Variants in VWF observed in about 807,000 individuals in gnomAD.
VWF encodes von Willebrand factor.
Under a neutral mutation model 308.6 loss-of-function variants are expected in VWF, and 176 were observed. That is an observed-to-expected ratio of 0.57 (90% CI 0.50 to 0.65). The LOEUF is 0.65. Among genes scored for constraint, VWF ranks in the 30% least tolerant of loss-of-function variants. VWF has a pLI of 0.00. For synonymous variants in VWF, 1,385 were observed against 1,443.4 expected (o/e 0.96, Z 0.92); for missense variants, 3,146 against 3,648.2 (o/e 0.86, Z 3.55).
intron 3 of VWF, among the ~76,000 whole-genome samples, chr12:6,120,430 G>A (rs1945416799): frequency 6.6e-6 from 1 of 151,876 alleles, no homozygotes; most frequent in Non-Finnish European, 1.5e-5. Context: ...AGCCTCCCAA[G>A]TAGCTGGGAT....
intron 6 of VWF, among the ~76,000 whole-genome samples, chr12:6,077,667 A>G (rs1178269050): frequency 1.3e-5 from 2 of 152,210 alleles, no homozygotes; most frequent in African/African-American, 4.8e-5. Flanking sequence ...AGATGCCACA[A>G]TGCCAGCACC....
At chr12:6,119,797 G>A (rs1192892162) in intron 3 of VWF, among the ~76,000 whole-genome samples, 6 of 152,134 alleles carry the variant, frequency 3.9e-5, no homozygotes, top group African/African-American at 1.4e-4. Context: ...AGCCAAGATC[G>A]CACCACTCAC....
In VWF at chr12:6,013,613, G is replaced by A. The variant is rs768189363; in HGVS notation, c.5488C>T (p.Arg1830Cys). 19 of 1,613,464 alleles carry A rather than the reference G, an allele frequency of 1.2e-5. No homozygotes were observed. The highest frequency in any genetic ancestry group is 6.7e-5 in the African/African-American group (5 of 74,908). The change falls in exon 32 of 52, where the codon CGC becomes TGC. Residue 1830 changes from arginine (R) to cysteine (C), a missense_variant. Transcript: ENST00000261405. The part of the protein sequence containing the change: ...VTVFPIGIGD[R>C]YDAAQLRILA... ...ATCCGTAGCTGGGCTGCATCGTAGC[G>A]ATCTCCAATTCCAATAGGGAACACT...
At chr12:6,054,773 T>C (rs1259916224) in intron 15 of VWF, among the ~76,000 whole-genome samples, 1 of 124,538 alleles carries the variant, frequency 8.0e-6, no homozygotes, top group Non-Finnish European at 1.8e-5. Context: ...CCTGAGTGTC[T>C]CCAATTGATG....
Position 5,971,627 on chromosome 12 carries a change from C to G in VWF, c.7520G>C (p.Arg2507Pro), listed in dbSNP as rs762748393. Residue 2507 changes from arginine (R) to proline (P), a missense_variant, in exon 44 of 52, where the codon CGG becomes CCG. Physicochemically the swap from Arg to Pro is moderately radical, Grantham distance 103 (BLOSUM62 -2). Transcript: ENST00000261405. ...CTTCCAGGAAGACTGGGAGTCCCCC[C>G]GCGGTGAGCCAGTCACCACCTCACA... ...SACEVVTGSP[R>P]GDSQSSWKSV... 2.5e-6 allele frequency: 4 copies of G among 1,614,040 alleles called. No individual in the cohort carries two copies. Among genetic ancestry groups the G allele is most frequent in the South Asian group, 2.2e-5 (2 of 91,090 alleles).
chr12:5,994,360 TA>T, intron 36 of VWF, 54 bp downstream of exon 36: 1 of 1,606,444 alleles, frequency 6.2e-7, no homozygotes. Flanking sequence ...GTAGAGCAAG[TA>T]AGGTTTATAA....
intron 34 of VWF, among the ~76,000 whole-genome samples, chr12:6,004,446 T>C (rs1292335894): frequency 6.6e-6 from 1 of 152,110 alleles, no homozygotes; most frequent in Non-Finnish European, 1.5e-5. Flanking sequence ...AAATACATGA[T>C]ATGTGTGTGC....
chr12:6,062,125 A>C (rs192994921), intron 13 of VWF, among the ~76,000 whole-genome samples: 1 of 152,338 alleles, frequency 6.6e-6, no homozygotes, highest in East Asian at 1.9e-4. Context: ...CAATAAATAT[A>C]ATCCTCCTAC....
At chr12:5,994,677 C>T (rs369313625) in intron 35 of VWF, 70 bp from the exon 36 acceptor site, 81 of 1,436,590 alleles carry the variant, frequency 5.6e-5, no homozygotes, top group Admixed American at 8.5e-5. Context: ...GGGAAGTTAC[C>T]GAGAGTTCCT....
At chr12:6,037,463 C>A (rs1235075519) in intron 18 of VWF, among the ~76,000 whole-genome samples, 1 of 152,166 alleles carries the variant, frequency 6.6e-6, no homozygotes, top group Non-Finnish European at 1.5e-5. Context: ...ACTTCCCCGT[C>A]GTCACCCCTC....
chr12:6,048,819 A>G (rs911025202), intron 16 of VWF, among the ~76,000 whole-genome samples: 1 of 152,214 alleles, frequency 6.6e-6, no homozygotes, highest in South Asian at 2.1e-4. Context: ...ATATCTGTTG[A>G]ATAAACAAGA....
chr12:6,027,415 G>A (rs1000028897), intron 22 of VWF, among the ~76,000 whole-genome samples: 1 of 152,062 alleles, frequency 6.6e-6, no homozygotes, highest in Non-Finnish European at 1.5e-5. Context: ...TAACATTCCT[G>A]CTAGGATATA....
intron 31 of VWF, among the ~76,000 whole-genome samples, 197 bp downstream of exon 31, chr12:6,015,892 C>T (rs1478548658): frequency 6.6e-6 from 1 of 152,186 alleles, no homozygotes; most frequent in Non-Finnish European, 1.5e-5. Context: ...AGGATCAATA[C>T]ACACTTTTTA....
chr12:5,973,108 C>A (rs1943494920), intron 43 of VWF, among the ~76,000 whole-genome samples: 1 of 152,166 alleles, frequency 6.6e-6, no homozygotes, highest in Non-Finnish European at 1.5e-5. Context: ...TTTTAGCCAT[C>A]CCTCCAAATT....
rs1332206266 is a variant in VWF, at chr12:6,019,301, C to T, written c.4117G>A (p.Asp1373Asn). ...YTLFQIFSKI[D>N]RPEASRITLL... ...GTGATGCGGGAGGCTTCAGGGCGGT[C>T]GATCTTGCTGAAGATTTGGAACAGT... The change falls in exon 28 of 52, where the codon GAC becomes AAC. Residue 1373 changes from aspartate to asparagine, a missense_variant. This residue lies in a region of VWF where 853 missense variants were observed against 1,177.8 expected (regional missense o/e 0.72). Transcript: ENST00000261405. This position sits in a 1 kb window ranked among gnomAD's most constrained non-coding sequence, Gnocchi z 5.8. 3 of 1,613,750 alleles carry T rather than the reference C, an allele frequency of 1.9e-6. No homozygotes were observed. The highest frequency in any genetic ancestry group is 2.7e-5 in the African/African-American group (2 of 74,896).
Position 6,123,108 on chromosome 12 carries a change from CAGGAATG to C in VWF, c.55+27_55+33del, listed in dbSNP as rs779937872. The C allele has an allele frequency of 6.8e-6, 11 of 1,613,886 alleles. No homozygotes were observed. In the South Asian group the frequency reaches 1.1e-4, roughly 16 times the overall value. On this transcript the variant is annotated intron_variant, in intron 2 of 51. Transcript: ENST00000261405. ...GGTGTCACTCCAGATGGCCCTGGGG[CAGGAATG>C]AGAAATGGAGGCCCTTTTGTACCTA...
In VWF at chr12:6,034,970, G is replaced by C. The variant is rs974216085; in HGVS notation, c.2547-144C>G. On this transcript the variant is annotated intron_variant, in intron 19 of 51. Coordinates refer to ENST00000261405, the MANE Select transcript of VWF (RefSeq NM_000552.5). ...AGCCCAAGGAAGTTGAGGACCTGTA[G>C]CGTGGAGTGTGGACTTCATAGGCCC... 1.3e-5 allele frequency: 13 copies of C among 1,036,060 alleles called. No individual in the cohort carries two copies. In the African/African-American group the frequency reaches 1.9e-4, roughly 15 times the overall value. 64.2% of individuals were successfully genotyped at this position (1,036,060 alleles called of 1,614,324 possible). A position where few individuals can be genotyped will look rare whatever the true frequency, so the allele number is the denominator to read the frequency against.
In VWF at chr12:6,025,580, C is replaced by T. The variant is rs763767613; in HGVS notation, c.3222G>A (p.Leu1074=). ...TTCCCACTACCCTCAAGGTCCTCAC[C>T]AGCTTGTTGCAGTCCTGGAAGACGT... The part of the protein sequence containing the change: ...TSDVFQDCNK[L]VDPEPYLDVC... Residue 1074 remains leucine (L), a splice_region_variant and synonymous_variant, in exon 24 of 52, where the codon CTG becomes CTA. Coordinates refer to ENST00000261405, the MANE Select transcript of VWF (RefSeq NM_000552.5). 2.0e-6 allele frequency: 3 copies of T among 1,474,576 alleles called. No homozygotes were observed. Among genetic ancestry groups the T allele is most frequent in the Non-Finnish European group, 2.8e-6 (3 of 1,055,906 alleles). 91.3% of individuals were successfully genotyped at this position (1,474,576 alleles called of 1,614,324 possible).
At chr12:6,111,283 C>T (rs543088443) in intron 3 of VWF, among the ~76,000 whole-genome samples, 17 of 152,126 alleles carry the variant, frequency 1.1e-4, no homozygotes, top group Admixed American at 4.6e-4. Flanking sequence ...GACAAACATG[C>T]GACAATTGAG....
Sources: gnomAD v4.1 joint callset for allele counts (sites outside exome capture counted in the v4.1 genomes callset) on GRCh38, gnomAD v4.1.1 for gene constraint, gnomAD v4.1.1 regional missense constraint, Gnocchi (gnomAD v3.1) non-coding constraint, MANE v1.5 for transcripts, NCBI Gene and HGNC (gene_info 2026-07-23, HGNC 2026-07-21) for gene names.